Variants in SAP130 observed in about 807,000 individuals in gnomAD.
SAP130 encodes Sin3A associated protein 130, also known as histone deacetylase complex subunit SAP130.
SAP130 carries 16 observed loss-of-function variants against 103.2 expected under a neutral mutation model. That is an observed-to-expected ratio of 0.16 (90% CI 0.10 to 0.24). The LOEUF is 0.24. Among genes scored for constraint, SAP130 ranks in the 10% least tolerant of loss-of-function variants. SAP130 has a pLI of 1.00. For missense variants in SAP130, 990 were observed against 1,359.7 expected (o/e 0.73, Z 4.28); for synonymous variants, 477 against 497.0 (o/e 0.96, Z 0.53).
intron 11 of SAP130, among the ~76,000 whole-genome samples, chr2:127,994,569 G>A (rs545559340): frequency 6.6e-6 from 1 of 152,236 alleles, no homozygotes; most frequent in East Asian, 1.9e-4. Flanking sequence ...TACAGCCTGG[G>A]CAACAGTGTG....
chr2:127,983,632 G>A (rs1289456138), intron 14 of SAP130, among the ~76,000 whole-genome samples: 1 of 152,140 alleles, frequency 6.6e-6, no homozygotes, highest in Non-Finnish European at 1.5e-5. Flanking sequence ...GACAGGCTGT[G>A]AATTAGAGGG....
chr2:127,985,702 G>A (rs781111168), intron 14 of SAP130, among the ~76,000 whole-genome samples: 1 of 152,036 alleles, frequency 6.6e-6, no homozygotes, highest in African/African-American at 2.4e-5. Flanking sequence ...CTGTGCCCAC[G>A]GATCTAGGTG....
At chr2:128,027,107 GCCGCCCGCA>G (rs757242055) in intron 1 of SAP130, 17 of 1,416,226 alleles carry the variant, frequency 1.2e-5, no homozygotes, top group Non-Finnish European at 1.3e-5. Flanking sequence ...GCCGCCGCCC[GCCGCCCGCA>G]CCGCCCGCTT....
At position 127,945,665 on chromosome 2, in the gene SAP130, T is replaced by A. The variant is rs573777504; in HGVS notation, c.2798-106A>T. ...ATTATTTTAACAAGAATTTTATTTTTTTTTTGAGACAGTGTCTGGCTCTGT... is the reference window on the plus strand; with the variant it reads ...ATTATTTTAACAAGAATTTTATTTTATTTTTGAGACAGTGTCTGGCTCTGT... On this transcript the variant is annotated intron_variant, in intron 18 of 20. Coordinates refer to ENST00000643581, the MANE Select transcript of SAP130 (RefSeq NM_001330301.2). 14 of 710,302 alleles carry A rather than the reference T, an allele frequency of 2.0e-5. 2 individuals carry two copies. The highest frequency in any genetic ancestry group is 1.1e-4 in the East Asian group (4 of 36,698). The allele number at this position is 710,302 out of a possible 1,614,324, so 44.0% of individuals were successfully genotyped here. A position where few individuals can be genotyped will look rare whatever the true frequency, so the allele number is the denominator to read the frequency against.
chr2:127,993,078 A>G, intron 12 of SAP130, 109 bp downstream of exon 12: 3 of 1,311,462 alleles, frequency 2.3e-6, no homozygotes, highest in Non-Finnish European at 3.2e-6. Context: ...ATCTGAAAAC[A>G]GAAGCTGAAA....
chr2:127,963,839 A>G (rs1680445318), intron 15 of SAP130, among the ~76,000 whole-genome samples: 2 of 152,338 alleles, frequency 1.3e-5, no homozygotes, highest in South Asian at 4.1e-4. Flanking sequence ...GCCTTCTGCC[A>G]TGAATGTGGG....
intron 15 of SAP130, among the ~76,000 whole-genome samples, chr2:127,956,095 G>T (rs1476120710): frequency 6.6e-6 from 1 of 151,932 alleles, no homozygotes; most frequent in Non-Finnish European, 1.5e-5. Context: ...AGGTTGAGCT[G>T]ATTACTAATG....
rs535537262 is a variant in SAP130 at position 128,002,562 on chromosome 2, T to C, written c.870-2108A>G. ...AAATAAAAAAATAAAGAGGAAAATA[T>C]CAGCAGGAAGACATGACTATCTTTA... On this transcript the variant is annotated intron_variant, in intron 7 of 20. Transcript: ENST00000643581. Among the ~76,000 whole-genome samples the C allele has an allele frequency of 2.0e-5, 3 of 151,742 alleles. No individual in the cohort carries two copies. The South Asian group carries it at 6.2e-4, about 32-fold the overall frequency.
chr2:128,003,448 A>T (rs1683716194), intron 7 of SAP130, among the ~76,000 whole-genome samples: 1 of 147,684 alleles, frequency 6.8e-6, no homozygotes, highest in Non-Finnish European at 1.5e-5. Context: ...TTAAGGTTGC[A>T]GTGAGCTGTG....
At chr2:127,988,082 G>A (rs1320967298) in intron 13 of SAP130, among the ~76,000 whole-genome samples, 1 of 152,074 alleles carries the variant, frequency 6.6e-6, no homozygotes, top group African/African-American at 2.4e-5. Context: ...AAAAATCAGA[G>A]AGACTTTGAT....
chr2:127,970,920 C>T (rs187353804), intron 15 of SAP130, among the ~76,000 whole-genome samples: 2 of 152,092 alleles, frequency 1.3e-5, no homozygotes, highest in East Asian at 1.9e-4. Flanking sequence ...ACTTCTATCA[C>T]GATATGCTCT....
At chr2:128,011,567 G>C (rs1376579073) in intron 6 of SAP130, among the ~76,000 whole-genome samples, 2 of 152,116 alleles carry the variant, frequency 1.3e-5, no homozygotes, top group Non-Finnish European at 1.5e-5. Flanking sequence ...CCTTGTCTTG[G>C]TTCTCGTCTT....
chr2:127,964,767 C>T (rs1416636853), intron 15 of SAP130, among the ~76,000 whole-genome samples: 4 of 151,028 alleles, frequency 2.6e-5, no homozygotes, highest in Admixed American at 6.6e-5. Context: ...AAGGCTGAGG[C>T]GGGTGGATCA....
At chr2:127,956,393 T>C (rs1679840649) in intron 15 of SAP130, among the ~76,000 whole-genome samples, 1 of 152,106 alleles carries the variant, frequency 6.6e-6, no homozygotes, top group Non-Finnish European at 1.5e-5. Context: ...AACTTATGCA[T>C]GGGAACTAGC....
intron 5 of SAP130, 70 bp from the exon 6 acceptor site, chr2:128,013,224 C>A: frequency 7.1e-7 from 1 of 1,413,122 alleles, no homozygotes; most frequent in South Asian, 1.5e-5. Flanking sequence ...AGTATGTTTC[C>A]CAAAACTCAG....
intron 2 of SAP130, among the ~76,000 whole-genome samples, chr2:128,020,583 C>T (rs1685083600): frequency 6.6e-6 from 1 of 152,136 alleles, no homozygotes; most frequent in Non-Finnish European, 1.5e-5. Context: ...TCAGTTTGTT[C>T]CTATTTTGAA....
At chr2:127,943,027 G>C (rs1432486520) in intron 19 of SAP130, among the ~76,000 whole-genome samples, 2 of 151,946 alleles carry the variant, frequency 1.3e-5, no homozygotes, top group Non-Finnish European at 2.9e-5. Context: ...AATAAAAACA[G>C]TAAAGGAAAC....
intron 13 of SAP130, 146 bp from the exon 14 acceptor site, chr2:127,987,108 A>G: frequency 1.4e-6 from 1 of 690,504 alleles, no homozygotes; most frequent in South Asian, 1.9e-5. Flanking sequence ...CAGGAGCACA[A>G]TGTTCATCCG....
intron 6 of SAP130, among the ~76,000 whole-genome samples, chr2:128,011,686 A>G (rs1333168036): frequency 2.0e-5 from 3 of 152,220 alleles, no homozygotes; most frequent in Non-Finnish European, 4.4e-5. Flanking sequence ...GGCTAGACAG[A>G]TACTACCCAG....
Sources: gnomAD v4.1 joint callset for allele counts (sites outside exome capture counted in the v4.1 genomes callset) on GRCh38, gnomAD v4.1.1 for gene constraint, MANE v1.5 for transcripts, NCBI Gene and HGNC (gene_info 2026-07-23, HGNC 2026-07-21) for gene names.